CAPZA1: variants seen among roughly 807,000 people sequenced by gnomAD.
CAPZA1 encodes capping actin protein of muscle Z-line subunit alpha 1.
Under a neutral mutation model 40.8 loss-of-function variants are expected in CAPZA1, and 10 were observed. That is an observed-to-expected ratio of 0.25 (90% CI 0.15 to 0.42). The LOEUF is 0.42. CAPZA1 is among the 10% of genes least tolerant of loss of function. The probability of loss-of-function intolerance (pLI) is 1.00; values close to 1 mark genes in which losing one functional copy is unlikely to be tolerated. For missense variants in CAPZA1, 277 were observed against 353.8 expected (o/e 0.78, Z 1.74); for synonymous variants, 98 against 115.0 (o/e 0.85, Z 0.95).
At chr1:112,664,942 A>G (rs1175474321) in intron 7 of CAPZA1, among the ~76,000 whole-genome samples, 1 of 152,182 alleles carries the variant, frequency 6.6e-6, no homozygotes, top group Non-Finnish European at 1.5e-5. Flanking sequence ...TCTCAAAAAA[A>G]AGGATTAAAT....
At position 112,646,164 on chromosome 1, in the gene CAPZA1, G is replaced by C. The variant is rs573091994; in HGVS notation, c.40-1046G>C. Among the ~76,000 whole-genome samples, 5 of 152,282 alleles carry C rather than the reference G, an allele frequency of 3.3e-5. No individual in the cohort carries two copies. In the South Asian group the frequency reaches 1.0e-3, roughly 32 times the overall value. ...ATCCAGAAAGGGAGAATGGCAACAG[G>C]GGGCAGAGGACAGAGGCTAGGTTGA... On this transcript the variant is annotated intron_variant, in intron 1 of 9. Coordinates refer to ENST00000263168, the MANE Select transcript of CAPZA1 (RefSeq NM_006135.3).
chr1:112,619,858 A>T lies in CAPZA1; in HGVS notation c.14A>T (p.Asp5Val). ...GAACAGCCCAAGATGGCCGACTTCG[A>T]TGATCGTGTGTCGGATGAGGAGAAG... MADF[D>V]DRVSDEEKVR... Residue 5 changes from aspartate (D) to valine (V), a missense_variant, in exon 1 of 10, where the codon GAT becomes GTT. Asp to Val is a radical substitution (Grantham distance 152). Around this residue, in one of 2 missense-constraint regions of CAPZA1, gnomAD observed 85 missense variants for 76.5 expected, o/e 1.11. Coordinates refer to ENST00000263168, the MANE Select transcript of CAPZA1 (RefSeq NM_006135.3). 1 of 1,613,158 alleles carries T rather than the reference A, an allele frequency of 6.2e-7. No individual in the cohort carries two copies. Among genetic ancestry groups the T allele is most frequent in the Non-Finnish European group, 8.5e-7 (1 of 1,179,626 alleles).
intron 1 of CAPZA1, among the ~76,000 whole-genome samples, chr1:112,644,184 C>T (rs1344334216): frequency 1.9e-4 from 11 of 56,786 alleles, no homozygotes; most frequent in East Asian, 7.0e-4. Context: ...CTTCTCCCAG[C>T]TTTTTTTTTT....
chr1:112,643,919 A>G (rs1671230734), intron 1 of CAPZA1, among the ~76,000 whole-genome samples: 1 of 151,184 alleles, frequency 6.6e-6, no homozygotes, highest in South Asian at 2.1e-4. Context: ...ATCTCGGCTC[A>G]CTGCAAACTC....
intron 7 of CAPZA1, among the ~76,000 whole-genome samples, 172 bp downstream of exon 7, chr1:112,659,951 G>A (rs1671572101): frequency 6.6e-6 from 1 of 152,030 alleles, no homozygotes; most frequent in Admixed American, 6.5e-5. Flanking sequence ...GCTATTCTGA[G>A]TTGATAAAGG....
At position 112,659,780 on chromosome 1, in the gene CAPZA1, G is replaced by A; in HGVS notation, c.585+1G>A. The A allele has an allele frequency of 6.2e-7, 1 of 1,610,884 alleles. No homozygotes were observed. Among genetic ancestry groups the A allele is most frequent in the Non-Finnish European group, 8.5e-7 (1 of 1,177,450 alleles). Reference sequence around the variant, plus strand: ...GGTGGTTGGCGTGCTTAAGATTCAGGTGAGATTCCAACATGTTTATAGACT... The same window carrying A: ...GGTGGTTGGCGTGCTTAAGATTCAGATGAGATTCCAACATGTTTATAGACT... On this transcript the variant is annotated splice_donor_variant, in intron 7 of 9. Transcript: ENST00000263168. LOFTEE classifies it high-confidence loss of function.
In CAPZA1 at chr1:112,662,640, C is replaced by T. The variant is rs147512384; in HGVS notation, c.585+2861C>T. 4.5e-3 allele frequency among the ~76,000 whole-genome samples: 687 copies of T among 151,892 alleles called. 2 individuals carry two copies. The highest frequency in any genetic ancestry group is 0.016 in the African/African-American group (644 of 41,432). ...GTCTCGAACTCCTGACCTTGTGATCCGCCTCCCTCAGCTTCCCAAAATGCT... is the reference window on the plus strand; with the variant it reads ...GTCTCGAACTCCTGACCTTGTGATCTGCCTCCCTCAGCTTCCCAAAATGCT... On this transcript the variant is annotated intron_variant, in intron 7 of 9. Coordinates refer to ENST00000263168, the MANE Select transcript of CAPZA1 (RefSeq NM_006135.3).
At chr1:112,641,744 C>T (rs532661089) in intron 1 of CAPZA1, among the ~76,000 whole-genome samples, 3 of 151,926 alleles carry the variant, frequency 2.0e-5, no homozygotes, top group East Asian at 3.9e-4. Context: ...CAAAAATTAG[C>T]GGGGCCTTAT....
In CAPZA1 at chr1:112,659,758, G is replaced by A. The variant is rs776713728; in HGVS notation, c.564G>A (p.Val188=). 4 of 1,613,490 alleles carry A rather than the reference G, an allele frequency of 2.5e-6. No individual in the cohort carries two copies. In the African/African-American group the frequency reaches 5.3e-5, roughly 22 times the overall value. ...CCATCACACCACCTACAGCCCAGGT[G>A]GTTGGCGTGCTTAAGATTCAGGTGA... is the stretch of plus-strand genomic sequence containing the variant. ...KFTITPPTAQ[V]VGVLKIQVHY... is the part of the protein sequence containing the mutation. The change falls in exon 7 of 10, where the codon GTG becomes GTA. Residue 188 remains valine (V), a synonymous_variant. Coordinates refer to ENST00000263168, the MANE Select transcript of CAPZA1 (RefSeq NM_006135.3).
In CAPZA1 at chr1:112,670,354, C is replaced by CTTT. The variant is rs140993095; in HGVS notation, c.*227_*229dup. The stretch of plus-strand genomic sequence containing the variant: ...GTTACTGCTATATCTACGTGTAAAT[C>CTTT]TTTTTTTCTTTTTTTTTTTTTTTTT... On this transcript the variant is annotated 3_prime_UTR_variant, in exon 10 of 10. Transcript: ENST00000263168. 3.2e-4 allele frequency: 42 copies of CTTT among 130,556 alleles called. No individual in the cohort carries two copies. Among genetic ancestry groups the CTTT allele is most frequent in the Middle Eastern group, 2.4e-3 (1 of 416 alleles). 8.1% of individuals were successfully genotyped at this position (130,556 alleles called of 1,614,324 possible).
rs58051216 is a variant in CAPZA1 at position 112,670,362 on chromosome 1, CT to C, written c.*249del. On this transcript the variant is annotated 3_prime_UTR_variant, in exon 10 of 10. Transcript: ENST00000263168. ...TATATCTACGTGTAAATCTTTTTTTCTTTTTTTTTTTTTTTTTTTGGTTAAT... is the reference window on the plus strand; with the variant it reads ...TATATCTACGTGTAAATCTTTTTTTCTTTTTTTTTTTTTTTTTTGGTTAAT... 3,499 of 149,578 alleles carry C rather than the reference CT, an allele frequency of 0.023. No homozygotes were observed. The highest frequency in any genetic ancestry group is 0.05 in the Middle Eastern group (14 of 280). The allele number at this position is 149,578 out of a possible 1,614,324, so 9.3% of individuals were successfully genotyped here.
chr1:112,665,667 G>A (rs763365637), intron 7 of CAPZA1, among the ~76,000 whole-genome samples: 2 of 152,254 alleles, frequency 1.3e-5, no homozygotes, highest in Non-Finnish European at 2.9e-5. Context: ...CAGAAGGGGT[G>A]AACACTGTCC....
At chr1:112,622,229 T>G (rs2101132800) in intron 1 of CAPZA1, among the ~76,000 whole-genome samples, 1 of 152,302 alleles carries the variant, frequency 6.6e-6, no homozygotes, top group East Asian at 1.9e-4. Flanking sequence ...TTGTAAATAT[T>G]TATGTAAAAG....
At chr1:112,648,013 A>G (rs940752418) in intron 2 of CAPZA1, among the ~76,000 whole-genome samples, 5 of 152,230 alleles carry the variant, frequency 3.3e-5, no homozygotes, top group African/African-American at 1.2e-4. Flanking sequence ...GGTTCAGTTT[A>G]GCAAACATTT....
chr1:112,627,518 G>A (rs1046604232), intron 1 of CAPZA1, among the ~76,000 whole-genome samples: 1 of 151,412 alleles, frequency 6.6e-6, no homozygotes, highest in Non-Finnish European at 1.5e-5. Context: ...AGTGGCACAC[G>A]CCTGTAGTCC....
rs751992641 is a variant in CAPZA1 at position 112,654,660 on chromosome 1, G to A, written c.415G>A (p.Gly139Ser). Residue 139 changes from glycine to serine, a missense_variant, in exon 5 of 10, where the codon GGC becomes AGC. Gly to Ser is a moderately conservative substitution (Grantham distance 56, BLOSUM62 0). This residue lies in a region of CAPZA1 where 192 missense variants were observed against 277.2 expected (regional missense o/e 0.69). Coordinates refer to ENST00000263168, the MANE Select transcript of CAPZA1 (RefSeq NM_006135.3). ...CTATGTGAAAGACCATTATTCCAAC[G>A]GCTTCTGTACTGTTAAGTATCTGAC... ...RAYVKDHYSN[G>S]FCTVYAKTID... 71 of 1,609,134 alleles carry A rather than the reference G, an allele frequency of 4.4e-5. No homozygotes were observed. The highest frequency in any genetic ancestry group is 9.9e-5 in the South Asian group (9 of 90,804).
chr1:112,637,508 C>A lies in CAPZA1; in HGVS notation c.40-9702C>A, dbSNP rs371384793. Among the ~76,000 whole-genome samples the A allele has an allele frequency of 1.5e-4, 23 of 152,312 alleles. No individual in the cohort carries two copies. In the East Asian group the frequency reaches 2.5e-3, roughly 17 times the overall value. ...TATTGCACAGGCTGGAGTGCAGTGG[C>A]ACAATCATAGCTCACTGCAGCCTTG... On this transcript the variant is annotated intron_variant, in intron 1 of 9. Transcript: ENST00000263168.
At chr1:112,643,671 C>CAGTT (rs1310062371) in intron 1 of CAPZA1, among the ~76,000 whole-genome samples, 1 of 152,160 alleles carries the variant, frequency 6.6e-6, no homozygotes, top group Non-Finnish European at 1.5e-5. Flanking sequence ...CCAACAGAGA[C>CAGTT]AGTTATTGGA....
In CAPZA1 at chr1:112,652,693, G is replaced by GA. The variant is rs575226421; in HGVS notation, c.156-894dup. ...TGGCACATTACCTGTCTGACATGGG[G>GA]AAAAAAAAAAACTAGCAGTCTATTT... On this transcript the variant is annotated intron_variant, in intron 3 of 9. Transcript: ENST00000263168. 5.0e-3 allele frequency among the ~76,000 whole-genome samples: 720 copies of GA among 144,484 alleles called. 3 individuals are homozygous for GA. Among genetic ancestry groups the GA allele is most frequent in the Middle Eastern group, 7.1e-3 (2 of 282 alleles). The allele number at this position is 144,484 out of a possible 152,430, so 94.8% of individuals were successfully genotyped here. A position where few individuals can be genotyped will look rare whatever the true frequency, so the allele number is the denominator to read the frequency against.
Sources: allele counts gnomAD v4.1 joint callset (sites outside exome capture counted in the v4.1 genomes callset), GRCh38; gene constraint gnomAD v4.1.1; regional missense constraint gnomAD v4.1.1; transcripts MANE v1.5; gene names NCBI Gene and HGNC (gene_info 2026-07-23, HGNC 2026-07-21).